ITIH4: variants seen among roughly 807,000 people sequenced by gnomAD.
ITIH4 encodes inter-alpha-trypsin inhibitor heavy chain 4, also known as inter-alpha-trypsin inhibitor heavy chain H4.
ITIH4 carries 79 observed loss-of-function variants against 111.8 expected under a neutral mutation model. That is an observed-to-expected ratio of 0.71 (90% confidence interval 0.59 to 0.85). ITIH4 has a LOEUF of 0.85. Among genes scored for constraint, ITIH4 ranks in the 40% least tolerant of loss-of-function variants. The pLI, the probability that ITIH4 is intolerant of heterozygous loss-of-function variation, is 0.00. For synonymous variants in ITIH4, 472 were observed against 468.3 expected, an observed-to-expected ratio of 1.01 and a Z score of -0.10; for missense variants, 1,065 against 1,195.8, an observed-to-expected ratio of 0.89 and a Z score of 1.61.
Position 52,825,903 on chromosome 3 carries a change from A to C in ITIH4, c.742T>G (p.Ser248Ala), listed in dbSNP as rs545810955. 1.2e-4 allele frequency: 194 copies of C among 1,613,908 alleles called. 5 individuals are homozygous for C. In the South Asian group the frequency reaches 2.0e-3, roughly 17 times the overall value. Residue 248 changes from serine to alanine, a missense_variant, in exon 6 of 24, where the codon TCC (serine) becomes GCC (alanine). Ser to Ala is a moderately conservative substitution (Grantham distance 99). Coordinates refer to ENST00000266041, the MANE Select transcript of ITIH4 (RefSeq NM_002218.5). ...IIRYDVDRAI[S>A]GGSIQIENGY... is the part of the protein sequence containing the mutation. ...CCACCCACCTGAATGGAGCCCCCGG[A>C]GATGGCCCGGTCCACATCATAGCGG...
chr3:52,822,301 C>G (rs372589473), intron 11 of ITIH4: 4 of 152,028 alleles, frequency 2.6e-5, no homozygotes, highest in African/African-American at 9.7e-5. Flanking sequence ...CGAGATCCAA[C>G]CACTGCACTC....
At position 52,823,591 on chromosome 3, in the gene ITIH4, G is replaced by GC. The variant is rs1016952180; in HGVS notation, c.1503dup (p.Pro502AlafsTer2). 2.5e-6 allele frequency: 4 copies of GC among 1,612,808 alleles called. No individual in the cohort carries two copies. Among genetic ancestry groups the GC allele is most frequent in the South Asian group, 1.1e-5 (1 of 90,880 alleles). On this transcript the variant is annotated frameshift_variant, in exon 11 of 24. Transcript: ENST00000266041. LOFTEE classifies it high-confidence loss of function. ...CTGACTGTGGCTGTGAGCACATCAG[G>GC]CCCCCGGTCCTGGAGCTTCCCAGCC...
chr3:52,824,356 C>T lies in ITIH4; in HGVS notation c.1045+41G>A, dbSNP rs2710324. 0.032 allele frequency: 51,496 copies of T among 1,611,730 alleles called. 7,501 individuals carry two copies. In the African/African-American group the frequency reaches 0.36, roughly 11 times the overall value. Reference sequence around the variant, plus strand: ...TCTCAAGGTGGTCCCCAGCCAGGAGCCCTGGAAGCCCCCACCCTGCAGGGC... The same window carrying T: ...TCTCAAGGTGGTCCCCAGCCAGGAGTCCTGGAAGCCCCCACCCTGCAGGGC... On this transcript the variant is annotated intron_variant, in intron 8 of 23. Transcript: ENST00000266041. The surrounding 1 kb of genome is among the most constrained non-coding windows in gnomAD (Gnocchi z 4.3).
intron 3 of ITIH4, 48 bp downstream of exon 3, chr3:52,827,045 G>A (rs1316000249): frequency 6.2e-7 from 1 of 1,606,884 alleles, no homozygotes; most frequent in East Asian, 2.2e-5. Flanking sequence ...AAGGCAAGGT[G>A]GCCTTTGTCT....
rs560383075 is a variant in ITIH4, at chr3:52,821,853, G to A, written c.1540-723C>T. Among the ~76,000 whole-genome samples, 21 of 152,276 alleles carry A rather than the reference G, an allele frequency of 1.4e-4. No individual in the cohort carries two copies. The South Asian group carries it at 2.9e-3, about 21-fold the overall frequency. On this transcript the variant is annotated intron_variant, in intron 11 of 23. Transcript: ENST00000266041. ...TGGCCAAGAGACCTTTTCACAGTGC[G>A]GATCAGATCTGCGGTCTGCTCCCAC...
intron 6 of ITIH4, chr3:52,825,457 G>C (rs1032221210): frequency 6.5e-6 from 1 of 154,772 alleles, no homozygotes; most frequent in Admixed American, 6.5e-5. Context: ...AATTAGCCAG[G>C]TGTGGTGGTG....
intron 16 of ITIH4, 41 bp from the exon 17 acceptor site, chr3:52,819,559 G>C: frequency 6.2e-7 from 1 of 1,612,956 alleles, no homozygotes; most frequent in South Asian, 1.1e-5. Context: ...CTCAGGTGGG[G>C]TGTGGGTCTT....
At chr3:52,828,775 C>A (rs548649003) in intron 2 of ITIH4, among the ~76,000 whole-genome samples, 1 of 152,302 alleles carries the variant, frequency 6.6e-6, no homozygotes, top group East Asian at 1.9e-4. Context: ...GTACTTTGAG[C>A]TGGAATGTGC....
chr3:52,813,218 G>T lies in ITIH4; in HGVS notation c.*203C>A. Reference sequence around the variant, plus strand: ...AGTGGAAGCTTCTGTGTTCCACGATGCTAAGGTTCAGGATGCGAGGTTGAG... The same window carrying T: ...AGTGGAAGCTTCTGTGTTCCACGATTCTAAGGTTCAGGATGCGAGGTTGAG... On this transcript the variant is annotated 3_prime_UTR_variant, in exon 24 of 24. Transcript: ENST00000266041. The T allele has an allele frequency of 1.7e-6, 1 of 591,900 alleles. No homozygotes were observed. The allele number at this position is 591,900 out of a possible 1,614,324, so 36.7% of individuals were successfully genotyped here.
In ITIH4 at chr3:52,819,531, C is replaced by T. The variant is rs974198381; in HGVS notation, c.1952-13G>A. 17 of 1,613,872 alleles carry T rather than the reference C, an allele frequency of 1.1e-5. No individual in the cohort carries two copies. The highest frequency in any genetic ancestry group is 1.6e-4 in the Middle Eastern group (1 of 6,084). ...CCAGCAGCTCCAGCTTTGGAGAAAT[C>T]GACAGATGCAGTCTTCTCTCAGGTG... On this transcript the variant is annotated splice_polypyrimidine_tract_variant and intron_variant, in intron 16 of 23. Coordinates refer to ENST00000266041, the MANE Select transcript of ITIH4 (RefSeq NM_002218.5).
chr3:52,818,408 C>T, intron 18 of ITIH4, 54 bp downstream of exon 18: 1 of 1,576,136 alleles, frequency 6.3e-7, no homozygotes, highest in Non-Finnish European at 8.7e-7. Context: ...TGTGACAGGT[C>T]ACTCCCCTCC....
chr3:52,827,480 G>A (rs1445882892), intron 2 of ITIH4, among the ~76,000 whole-genome samples: 7 of 152,228 alleles, frequency 4.6e-5, no homozygotes, highest in Admixed American at 3.9e-4. Flanking sequence ...GGGCAGGGCC[G>A]GGCTAAATCC....
At chr3:52,814,950 A>G in intron 21 of ITIH4, among the ~76,000 whole-genome samples, 1 of 152,208 alleles carries the variant, frequency 6.6e-6, no homozygotes, top group Non-Finnish European at 1.5e-5. Flanking sequence ...TCTCTGATGC[A>G]TCCACTCTGT....
At position 52,827,146 on chromosome 3, in the gene ITIH4, G is replaced by A; in HGVS notation, c.303C>T (p.Ala101=). ...YPGIIKEKAE[A]QAQYSAAVAK... is the part of the protein sequence containing the mutation. ...CCACTGCTGCGCTGTACTGTGCCTG[G>A]GCTTCAGCCTTCTCCTTGATGATCC... Residue 101 remains alanine (A), a synonymous_variant, in exon 3 of 24, where the codon GCC becomes GCT. Coordinates refer to ENST00000266041, the MANE Select transcript of ITIH4 (RefSeq NM_002218.5). The A allele has an allele frequency of 6.2e-7, 1 of 1,614,148 alleles. No individual in the cohort carries two copies. The highest frequency in any genetic ancestry group is 8.5e-7 in the Non-Finnish European group (1 of 1,180,032).
chr3:52,824,585 A>T lies in ITIH4; in HGVS notation c.877-20T>A. 1 of 1,599,810 alleles carries T rather than the reference A, an allele frequency of 6.3e-7. No homozygotes were observed. Among genetic ancestry groups the T allele is most frequent in the Non-Finnish European group, 8.5e-7 (1 of 1,173,736 alleles). On this transcript the variant is annotated intron_variant, in intron 7 of 23. Transcript: ENST00000266041. The surrounding 1 kb of genome is among the most constrained non-coding windows in gnomAD (Gnocchi z 4.3). ...CCGGGTCTGGTCAGGGAGAGGAAAC[A>T]TAGGTGCTTCAGAAGGGCTCCCTGA...
chr3:52,825,745 A>G, intron 6 of ITIH4, 141 bp downstream of exon 6: 1 of 889,160 alleles, frequency 1.1e-6, no homozygotes, highest in Non-Finnish European at 1.7e-6. Flanking sequence ...CAACTAAATC[A>G]CGTGTTTTCT....
chr3:52,826,221 G>A (rs1244923291), intron 5 of ITIH4, among the ~76,000 whole-genome samples: 2 of 152,212 alleles, frequency 1.3e-5, no homozygotes, highest in Non-Finnish European at 2.9e-5. Context: ...CTGGAGCTGC[G>A]CAAGCAGAGG....
At chr3:52,829,345 T>C in intron 1 of ITIH4, 66 bp from the exon 2 acceptor site, 2 of 1,511,256 alleles carry the variant, frequency 1.3e-6, no homozygotes, top group East Asian at 4.6e-5. Flanking sequence ...GTGACGCTCT[T>C]CAAGAGTTGG....
chr3:52,828,001 T>C lies in ITIH4; in HGVS notation c.252-804A>G, dbSNP rs1700512360. 2.0e-5 allele frequency among the ~76,000 whole-genome samples: 3 copies of C among 152,208 alleles called. No individual in the cohort carries two copies. In the South Asian group the frequency reaches 6.2e-4, roughly 32 times the overall value. On this transcript the variant is annotated intron_variant, in intron 2 of 23. Transcript: ENST00000266041. ...GTCAGGACTACGCGTCCCTCCTGCC[T>C]GACCTTCCTGGTTATAATTTAACTC... is the stretch of plus-strand genomic sequence containing the variant.
Sources: gnomAD v4.1 joint callset for allele counts (sites outside exome capture counted in the v4.1 genomes callset) on GRCh38, gnomAD v4.1.1 for gene constraint, Gnocchi (gnomAD v3.1) non-coding constraint, MANE v1.5 for transcripts, NCBI Gene and HGNC (gene_info 2026-07-23, HGNC 2026-07-21) for gene names.